The following NLGN4X variants were observed in gnomAD, a reference collection of about 807,000 sequenced individuals.
NLGN4X encodes neuroligin-4, X-linked.
Under a neutral mutation model 40.3 loss-of-function variants are expected in NLGN4X, and 3 were observed. The observed-to-expected ratio is 0.07, with a 90% CI of 0.03 to 0.19. The LOEUF is 0.19. Ranked by LOEUF, NLGN4X falls within the 10% of genes least tolerant of loss-of-function variation. The probability of loss-of-function intolerance (pLI) is 1.00; values close to 1 mark genes in which losing one functional copy is unlikely to be tolerated. For synonymous variants in NLGN4X, 270 were observed against 306.8 expected (o/e 0.88, Z 1.25); for missense variants, 382 against 708.3 (o/e 0.54, Z 5.23).
At chrX:6,186,457 TACAA>T (rs1190421229) in intron 1 of NLGN4X, among the ~76,000 whole-genome samples, 6 of 112,404 alleles carry the variant, frequency 5.3e-5, no homozygotes, top group Middle Eastern at 9.2e-3. Flanking sequence ...TATAATAACT[TACAA>T]ACAGTGTAAA....
chrX:6,040,850 C>T (rs2037137495), intron 2 of NLGN4X, among the ~76,000 whole-genome samples: 1 of 111,771 alleles, frequency 8.9e-6, no homozygotes, highest in African/African-American at 3.3e-5. Flanking sequence ...ATCACCGTGT[C>T]AAAGTATGCA....
intron 2 of NLGN4X, among the ~76,000 whole-genome samples, chrX:6,043,710 A>C (rs1401326812): frequency 3.6e-5 from 4 of 112,068 alleles, no homozygotes; most frequent in Non-Finnish European, 7.5e-5. Flanking sequence ...TGACATGGTA[A>C]ATGGTTCTAG....
At chrX:6,109,588 C>T (rs189947315) in intron 2 of NLGN4X, among the ~76,000 whole-genome samples, 1 of 111,457 alleles carries the variant, frequency 9.0e-6, no homozygotes, top group Non-Finnish European at 1.9e-5. Flanking sequence ...AGAAAACTTT[C>T]GCAATCTCTC....
At chrX:5,927,398 T>C (rs751021975) in intron 3 of NLGN4X, among the ~76,000 whole-genome samples, 1 of 112,100 alleles carries the variant, frequency 8.9e-6, no homozygotes, top group African/African-American at 3.2e-5. Context: ...TGTGGAGATG[T>C]AGAATGTGTC....
At chrX:6,140,989 C>T (rs896834428) in intron 2 of NLGN4X, among the ~76,000 whole-genome samples, 5 of 111,638 alleles carry the variant, frequency 4.5e-5, no homozygotes, top group African/African-American at 1.3e-4. Flanking sequence ...GTAGCAATTG[C>T]ATGAAGAGAT....
At chrX:5,901,495 T>G (rs34078795) in intron 5 of NLGN4X, among the ~76,000 whole-genome samples, 16,973 of 111,319 alleles carry the variant, frequency 0.15, 1,024 homozygotes, top group African/African-American at 0.19. Context: ...CCACAATGTT[T>G]GGAGCTATTT....
chrX:6,093,979 TC>T (rs2038700130), intron 2 of NLGN4X, among the ~76,000 whole-genome samples: 1 of 111,565 alleles, frequency 9.0e-6, no homozygotes. Context: ...TTTTAATAGA[TC>T]AAAAAATAGG....
At chrX:5,983,175 C>G (rs1300426703) in intron 3 of NLGN4X, among the ~76,000 whole-genome samples, 1 of 111,435 alleles carries the variant, frequency 9.0e-6, no homozygotes, top group African/African-American at 3.3e-5. Context: ...TTCATAACAT[C>G]TATGAACAAT....
intron 2 of NLGN4X, among the ~76,000 whole-genome samples, chrX:6,049,773 A>G (rs1046007917): frequency 9.2e-6 from 1 of 108,111 alleles, no homozygotes; most frequent in African/African-American, 3.5e-5. Context: ...GAGCTACTCA[A>G]ATGAAGAAAA....
intron 1 of NLGN4X, among the ~76,000 whole-genome samples, chrX:6,189,193 C>T (rs888143912): frequency 8.9e-6 from 1 of 112,182 alleles, no homozygotes; most frequent in Non-Finnish European, 1.9e-5. Flanking sequence ...CGAAATCCTC[C>T]ACCCCTCCTC....
chrX:6,159,588 C>T (rs1037010048), intron 1 of NLGN4X, among the ~76,000 whole-genome samples: 13 of 111,755 alleles, frequency 1.2e-4, no homozygotes, highest in African/African-American at 4.2e-4. Flanking sequence ...CCACATATTA[C>T]ACAGAAAAGC....
At chrX:6,213,936 A>C (rs188817018) in intron 1 of NLGN4X, among the ~76,000 whole-genome samples, 181 of 112,410 alleles carry the variant, frequency 1.6e-3, no homozygotes, top group African/African-American at 5.3e-3. Flanking sequence ...ATTGTGGAAA[A>C]AAATAATGAA....
chrX:6,071,898 A>C (rs2038072949), intron 2 of NLGN4X, among the ~76,000 whole-genome samples: 1 of 110,910 alleles, frequency 9.0e-6, no homozygotes, highest in South Asian at 3.9e-4. Context: ...TTCCACCGTA[A>C]ATTCAGTGCC....
intron 3 of NLGN4X, among the ~76,000 whole-genome samples, chrX:5,950,532 G>A (rs989027315): frequency 3.8e-4 from 42 of 111,887 alleles, no homozygotes; most frequent in African/African-American, 1.3e-3. Context: ...ATTTGTTATG[G>A]TTTTCTGTGG....
intron 1 of NLGN4X, among the ~76,000 whole-genome samples, chrX:6,180,984 C>T (rs751980558): frequency 4.5e-5 from 5 of 111,435 alleles, no homozygotes; most frequent in Non-Finnish European, 9.4e-5. Context: ...TTGGGGAAAA[C>T]CAATATTGCA....
intron 2 of NLGN4X, among the ~76,000 whole-genome samples, chrX:6,085,943 C>T (rs11795639): frequency 0.21 from 22,969 of 111,386 alleles, 1,797 homozygotes; most frequent in Admixed American, 0.26. Flanking sequence ...AAGGGGTTAA[C>T]GATAGGCAAA....
intron 2 of NLGN4X, among the ~76,000 whole-genome samples, chrX:6,055,378 C>T (rs1395619549): frequency 1.8e-5 from 2 of 111,952 alleles, no homozygotes; most frequent in East Asian, 5.6e-4. Context: ...ATCTGTAGTC[C>T]TATTTACTCA....
chrX:6,222,106 T>C (rs1925766273), intron 1 of NLGN4X, among the ~76,000 whole-genome samples: 1 of 111,683 alleles, frequency 9.0e-6, no homozygotes, highest in African/African-American at 3.3e-5. Flanking sequence ...TTTCAGCTTA[T>C]ATGACAGGCT....
At chrX:6,029,031 G>A (rs2036784917) in intron 3 of NLGN4X, among the ~76,000 whole-genome samples, 1 of 112,558 alleles carries the variant, frequency 8.9e-6, no homozygotes, top group Non-Finnish European at 1.9e-5. Context: ...GGAGAAACAT[G>A]CTATAAATAA....
Sources: gnomAD v4.1 joint callset for allele counts (sites outside exome capture counted in the v4.1 genomes callset) on GRCh38, gnomAD v4.1.1 for gene constraint, MANE v1.5 for transcripts, NCBI Gene and HGNC (gene_info 2026-07-23, HGNC 2026-07-21) for gene names.